The following GNPAT variants were observed in gnomAD, a reference collection of about 807,000 sequenced individuals.
GNPAT encodes the protein glyceronephosphate O-acyltransferase.
Under a neutral mutation model 78.4 loss-of-function variants are expected in GNPAT, and 30 were observed. That is an observed-to-expected ratio of 0.38 (90% CI 0.29 to 0.52). The LOEUF (loss-of-function observed/expected upper bound fraction) is 0.52, where lower values mean the gene tolerates loss of function less well. Ranked by LOEUF, GNPAT falls within the 20% of genes least tolerant of loss-of-function variation. The pLI is 0.84. For synonymous variants in GNPAT, 271 were observed against 281.1 expected (o/e 0.96, Z 0.36); for missense variants, 714 against 812.2 (o/e 0.88, Z 1.47).
At position 231,277,660 on chromosome 1, in the gene GNPAT, A is replaced by C; in HGVS notation, c.*118A>C. The C allele has an allele frequency of 1.3e-6, 1 of 743,626 alleles. No individual in the cohort carries two copies. Among genetic ancestry groups the C allele is most frequent in the African/African-American group, 1.7e-5 (1 of 58,334 alleles). 46.1% of individuals were successfully genotyped at this position (743,626 alleles called of 1,614,324 possible). On this transcript the variant is annotated 3_prime_UTR_variant, in exon 16 of 16. Transcript: ENST00000366647. ...TCCTCTCATACTCCCTGAGACTCTGAGAACAGTGGACGCAGAGGGAAGAGA... is the reference window on the plus strand; with the variant it reads ...TCCTCTCATACTCCCTGAGACTCTGCGAACAGTGGACGCAGAGGGAAGAGA...
At chr1:231,262,988 T>C (rs534493920) in intron 4 of GNPAT, 136 bp downstream of exon 4, 54 of 711,792 alleles carry the variant, frequency 7.6e-5, no homozygotes, top group Non-Finnish European at 1.2e-4. Flanking sequence ...ACTGAATAAC[T>C]TGAGTTATGT....
chr1:231,268,609 CAAAA>C (rs376264408), intron 9 of GNPAT, among the ~76,000 whole-genome samples: 1 of 108,678 alleles, frequency 9.2e-6, no homozygotes, highest in East Asian at 2.6e-4. Context: ...ACCCCATCTC[CAAAA>C]AAAAAAAAAA....
chr1:231,260,404 G>A lies in GNPAT; in HGVS notation c.262-103G>A, dbSNP rs74143599. On this transcript the variant is annotated intron_variant, in intron 2 of 15. Coordinates refer to ENST00000366647, the MANE Select transcript of GNPAT (RefSeq NM_014236.4). ...AAGAAGACACTATCTTTGAGTTATA[G>A]AAGATTAATCCATTTGGAACTAGTC... The A allele has an allele frequency of 1.1e-4, 92 of 806,206 alleles. No individual in the cohort carries two copies. In the African/African-American group the frequency reaches 1.4e-3, roughly 12 times the overall value. 49.9% of individuals were successfully genotyped at this position (806,206 alleles called of 1,614,324 possible).
chr1:231,272,785 A>G (rs1046403275), intron 11 of GNPAT, among the ~76,000 whole-genome samples: 1 of 152,202 alleles, frequency 6.6e-6, no homozygotes, highest in African/African-American at 2.4e-5. Flanking sequence ...CCTGGCCAAC[A>G]TGGTGAAACC....
intron 8 of GNPAT, among the ~76,000 whole-genome samples, chr1:231,267,330 A>G (rs1685417475): frequency 6.6e-6 from 1 of 152,238 alleles, no homozygotes; most frequent in Non-Finnish European, 1.5e-5. Flanking sequence ...AGATATGTTC[A>G]GCGTGCTATG....
chr1:231,258,726 G>T lies in GNPAT; in HGVS notation c.262-1781G>T, dbSNP rs375161740. On this transcript the variant is annotated intron_variant, in intron 2 of 15. Transcript: ENST00000366647. ...GCTCACTGCAAGCTCCGCCTCCCAG[G>T]TTTACATCATTCTCCTGCCTCAGCC... Among the ~76,000 whole-genome samples the T allele has an allele frequency of 2.4e-3, 324 of 133,540 alleles. 3 individuals are homozygous for T. The highest frequency in any genetic ancestry group is 8.5e-3 in the African/African-American group (299 of 35,196). 87.6% of individuals were successfully genotyped at this position (133,540 alleles called of 152,430 possible).
Position 231,265,184 on chromosome 1 carries a change from T to C in GNPAT, c.569-109T>C, listed in dbSNP as rs566447559. 4.8e-5 allele frequency: 42 copies of C among 873,876 alleles called. No homozygotes were observed. In the African/African-American group the frequency reaches 6.6e-4, roughly 14 times the overall value. 54.1% of individuals were successfully genotyped at this position (873,876 alleles called of 1,614,324 possible). A position where few individuals can be genotyped will look rare whatever the true frequency, so the allele number is the denominator to read the frequency against. On this transcript the variant is annotated intron_variant, in intron 4 of 15. Coordinates refer to ENST00000366647, the MANE Select transcript of GNPAT (RefSeq NM_014236.4). ...ACCTAGCCAACATAGCGAGACCCTG[T>C]CTCATAAAATAAAATAATAAAATAT... is the stretch of plus-strand genomic sequence containing the variant.
chr1:231,260,456 C>T, intron 2 of GNPAT, 51 bp from the exon 3 acceptor site: 1 of 1,310,708 alleles, frequency 7.6e-7, no homozygotes, highest in East Asian at 2.3e-5. Context: ...AGCTTTCTGA[C>T]TTTTCTGTTA....
At chr1:231,261,318 T>C (rs2102813988) in intron 3 of GNPAT, among the ~76,000 whole-genome samples, 1 of 152,326 alleles carries the variant, frequency 6.6e-6, no homozygotes, top group South Asian at 2.1e-4. Flanking sequence ...TATCTGTATT[T>C]GTGTTTCATG....
intron 2 of GNPAT, 60 bp downstream of exon 2, chr1:231,251,203 C>T (rs1043996068): frequency 1.9e-5 from 19 of 1,001,874 alleles, no homozygotes; most frequent in Non-Finnish European, 2.7e-5. Context: ...GTTCTTAATT[C>T]TATAACTTAT....
chr1:231,274,933 A>G, intron 12 of GNPAT: 1 of 356,602 alleles, frequency 2.8e-6, no homozygotes, highest in South Asian at 2.6e-5. Flanking sequence ...GTAGCATAAG[A>G]GATACGAAGC....
At chr1:231,267,306 G>T (rs1170526451) in intron 8 of GNPAT, among the ~76,000 whole-genome samples, 2 of 152,194 alleles carry the variant, frequency 1.3e-5, no homozygotes, top group East Asian at 3.9e-4. Context: ...TCTGTTAAGT[G>T]TGTTCTACAA....
Position 231,275,413 on chromosome 1 carries a change from C to A in GNPAT, c.1852C>A (p.Gln618Lys). 2 of 1,607,818 alleles carry A rather than the reference C, an allele frequency of 1.2e-6. No individual in the cohort carries two copies. The highest frequency in any genetic ancestry group is 2.2e-5 in the South Asian group (2 of 90,894). Residue 618 changes from glutamine to lysine, a missense_variant, in exon 14 of 16, where the codon CAA becomes AAA. Coordinates refer to ENST00000366647, the MANE Select transcript of GNPAT (RefSeq NM_014236.4). ...CTCACCCCCAATTTTAGGTACCTCT[C>A]AATGTTATGATGTATTATCTTCTGA... ...TSQLLDQGTS[Q>K]CYDVLSSDVQ...
chr1:231,275,647 G>A, intron 14 of GNPAT, 149 bp downstream of exon 14: 1 of 676,936 alleles, frequency 1.5e-6, no homozygotes, highest in Non-Finnish European at 2.7e-6. Flanking sequence ...TTAAGTCAGT[G>A]TGAGTTATCC....
chr1:231,253,126 G>C (rs978141416), intron 2 of GNPAT, among the ~76,000 whole-genome samples: 3 of 151,818 alleles, frequency 2.0e-5, no homozygotes, highest in Non-Finnish European at 4.4e-5. Context: ...CAGCCGCCAC[G>C]CCCGGCTAAT....
Position 231,262,767 on chromosome 1 carries a change from T to G in GNPAT, c.483T>G (p.Ser161Arg), listed in dbSNP as rs1259353676. ...IQEHPVVLLPSHRSYIDFLML... is the reference protein window; with the variant it reads ...IQEHPVVLLPRHRSYIDFLML... ...AGCATCCTGTTGTTCTGCTGCCTAG[T>G]CATCGAAGTTACATTGACTTCCTCA... is the stretch of plus-strand genomic sequence containing the variant. The change falls in exon 4 of 16, where the codon AGT (serine) becomes AGG (arginine). Residue 161 changes from serine (S) to arginine (R), a missense_variant. Physicochemically the swap from Ser to Arg is moderately radical, Grantham distance 110. Coordinates refer to ENST00000366647, the MANE Select transcript of GNPAT (RefSeq NM_014236.4). 4 of 1,607,138 alleles carry G rather than the reference T, an allele frequency of 2.5e-6. No individual in the cohort carries two copies. The Admixed American group carries it at 5.0e-5, about 20-fold the overall frequency.
chr1:231,274,596 G>A (rs1365595999), intron 12 of GNPAT, among the ~76,000 whole-genome samples: 4 of 152,162 alleles, frequency 2.6e-5, no homozygotes, highest in South Asian at 2.1e-4. Flanking sequence ...AGGACTCAAC[G>A]GGAGAGAAAG....
At chr1:231,248,846 G>C (rs1345480373) in intron 1 of GNPAT, among the ~76,000 whole-genome samples, 1 of 152,142 alleles carries the variant, frequency 6.6e-6, no homozygotes, top group Non-Finnish European at 1.5e-5. Context: ...TGCTGTACAG[G>C]TTTGTAGCCT....
chr1:231,266,045 TA>T lies in GNPAT; in HGVS notation c.808del (p.Arg270GlufsTer29). Reference sequence around the variant, plus strand: ...TGAATATTGTGATGGAGCCATTTTTTAAAAGAGAAGTTTTTGATACCTACCT... The same window carrying T: ...TGAATATTGTGATGGAGCCATTTTTTAAAGAGAAGTTTTTGATACCTACCT... ...LLNIVMEPFF[K>X]REVFDTYLVP... On this transcript the variant is annotated frameshift_variant, in exon 7 of 16. Transcript: ENST00000366647. LOFTEE classifies it high-confidence loss of function. 1 of 1,612,988 alleles carries T rather than the reference TA, an allele frequency of 6.2e-7. No individual in the cohort carries two copies.
Sources: gnomAD v4.1 joint callset for allele counts (sites outside exome capture counted in the v4.1 genomes callset) on GRCh38, gnomAD v4.1.1 for gene constraint, MANE v1.5 for transcripts, NCBI Gene and HGNC (gene_info 2026-07-23, HGNC 2026-07-21) for gene names.